DACH1: variants seen among roughly 807,000 people sequenced by gnomAD.
The protein encoded by DACH1 is dachshund homolog 1.
In DACH1, 12 loss-of-function variants were observed where a neutral mutation model predicts 54.2. That is an observed-to-expected ratio of 0.22 (90% CI 0.14 to 0.36). The LOEUF (loss-of-function observed/expected upper bound fraction) is 0.36. DACH1 is among the 10% of genes least tolerant of loss of function. The pLI is 1.00. For missense variants in DACH1, 805 were observed against 929.8 expected, an observed-to-expected ratio of 0.87 and a Z score of 1.75; for synonymous variants, 386 against 366.2, an observed-to-expected ratio of 1.05 and a Z score of -0.62.
intron 1 of DACH1, among the ~76,000 whole-genome samples, chr13:71,784,901 A>G (rs529731260): frequency 2.4e-3 from 362 of 152,294 alleles, no homozygotes; most frequent in African/African-American, 8.4e-3. Context: ...TCAGCAATGT[A>G]TGGATCCTAA....
chr13:71,623,328 CAT>C (rs1876385045), intron 3 of DACH1, among the ~76,000 whole-genome samples: 1 of 151,500 alleles, frequency 6.6e-6, no homozygotes, highest in Non-Finnish European at 1.5e-5. Flanking sequence ...TTAATATACT[CAT>C]ATGACATTTT....
intron 1 of DACH1, among the ~76,000 whole-genome samples, chr13:71,747,005 T>C (rs1884627943): frequency 6.6e-6 from 1 of 152,204 alleles, no homozygotes; most frequent in Non-Finnish European, 1.5e-5. Context: ...AACACATATG[T>C]ATTAACACAT....
In DACH1 at chr13:71,793,561, G is replaced by C. The variant is rs557922137; in HGVS notation, c.848+72361C>G. ...TTTTTTTCTTTCTTTTTGGAAACAG[G>C]GTTTTGCTCTGTTGCCCAGGCTGGA... On this transcript the variant is annotated intron_variant, in intron 1 of 10. Coordinates refer to ENST00000613252, the MANE Select transcript of DACH1 (RefSeq NM_080759.6). Among the ~76,000 whole-genome samples the C allele has an allele frequency of 2.6e-5, 4 of 152,146 alleles. No homozygotes were observed. In the East Asian group the frequency reaches 5.8e-4, roughly 22 times the overall value.
rs555557308 is a variant in DACH1 at position 71,744,682 on chromosome 13, G to C, written c.849-62772C>G. 2.0e-5 allele frequency among the ~76,000 whole-genome samples: 3 copies of C among 152,190 alleles called. No individual in the cohort carries two copies. The East Asian group carries it at 5.8e-4, about 29-fold the overall frequency. ...CTATCCTGGAAGAATATTACACATG[G>C]GTGCCCACTTTGGTTGGGATTTAAA... is the stretch of plus-strand genomic sequence containing the variant. On this transcript the variant is annotated intron_variant, in intron 1 of 10. Coordinates refer to ENST00000613252, the MANE Select transcript of DACH1 (RefSeq NM_080759.6).
intron 1 of DACH1, among the ~76,000 whole-genome samples, chr13:71,691,621 G>T (rs1566435764): frequency 1.3e-5 from 2 of 151,886 alleles, no homozygotes; most frequent in South Asian, 2.1e-4. Context: ...ATAGAGTCAG[G>T]TTGTGAACCA....
At chr13:71,649,928 A>G (rs1242423630) in intron 2 of DACH1, among the ~76,000 whole-genome samples, 2 of 152,166 alleles carry the variant, frequency 1.3e-5, no homozygotes, top group African/African-American at 4.8e-5. Context: ...TTGGAATTCA[A>G]ATTCTTTAAT....
At chr13:71,541,480 CAATT>C (rs1410084017) in intron 6 of DACH1, among the ~76,000 whole-genome samples, 1 of 151,972 alleles carries the variant, frequency 6.6e-6, no homozygotes, top group Non-Finnish European at 1.5e-5. Flanking sequence ...ATAAAAACAT[CAATT>C]AAAGAAATAA....
At chr13:71,495,729 C>A (rs1879352750) in intron 6 of DACH1, among the ~76,000 whole-genome samples, 1 of 151,998 alleles carries the variant, frequency 6.6e-6, no homozygotes, top group Non-Finnish European at 1.5e-5. Flanking sequence ...ATTAGTACAA[C>A]CTCTATGGAA....
At chr13:71,765,448 T>C (rs1885580614) in intron 1 of DACH1, among the ~76,000 whole-genome samples, 1 of 152,234 alleles carries the variant, frequency 6.6e-6, no homozygotes, top group Admixed American at 6.5e-5. Flanking sequence ...CCTCCATTTG[T>C]AGTACACTTT....
chr13:71,610,519 G>A (rs1159484533), intron 3 of DACH1, among the ~76,000 whole-genome samples: 1 of 152,094 alleles, frequency 6.6e-6, no homozygotes, highest in Non-Finnish European at 1.5e-5. Context: ...AAATCTTAAA[G>A]AGAGAGCATC....
At chr13:71,829,045 T>C (rs1184747552) in intron 1 of DACH1, among the ~76,000 whole-genome samples, 1 of 152,056 alleles carries the variant, frequency 6.6e-6, no homozygotes, top group Non-Finnish European at 1.5e-5. Flanking sequence ...ATTTATGTAC[T>C]AACGTAAGAA....
intron 1 of DACH1, among the ~76,000 whole-genome samples, chr13:71,798,240 G>A (rs749274796): frequency 4.7e-5 from 7 of 148,922 alleles, no homozygotes; most frequent in Non-Finnish European, 1.0e-4. Context: ...CTTGGGATAT[G>A]CTTTTATCTG....
chr13:71,591,987 AG>A (rs1873745029), intron 3 of DACH1, among the ~76,000 whole-genome samples: 1 of 152,192 alleles, frequency 6.6e-6, no homozygotes, highest in African/African-American at 2.4e-5. Context: ...TTTACCTCAC[AG>A]GGAATAACTA....
chr13:71,691,417 T>G (rs964756330), intron 1 of DACH1, among the ~76,000 whole-genome samples: 2 of 152,252 alleles, frequency 1.3e-5, no homozygotes, highest in Admixed American at 1.3e-4. Context: ...AGATAAGTAC[T>G]ATTACAATCC....
chr13:71,656,325 T>G (rs1218828578), intron 2 of DACH1, among the ~76,000 whole-genome samples: 1 of 152,090 alleles, frequency 6.6e-6, no homozygotes, highest in African/African-American at 2.4e-5. Context: ...ATCAAGTAAC[T>G]CTCAGCTTCT....
At chr13:71,688,976 G>A (rs1040277191) in intron 1 of DACH1, among the ~76,000 whole-genome samples, 3 of 152,136 alleles carry the variant, frequency 2.0e-5, no homozygotes, top group Admixed American at 2.0e-4. Flanking sequence ...ATATTAATAT[G>A]CATTACAAAT....
chr13:71,666,143 T>C (rs986882008), intron 2 of DACH1, among the ~76,000 whole-genome samples: 2 of 152,162 alleles, frequency 1.3e-5, no homozygotes, highest in African/African-American at 2.4e-5. Flanking sequence ...TAAAAAAATA[T>C]ACATAGACAT....
intron 9 of DACH1, 30 bp downstream of exon 9, chr13:71,475,676 T>C: frequency 6.3e-7 from 1 of 1,585,308 alleles, no homozygotes; most frequent in Non-Finnish European, 8.5e-7. Flanking sequence ...AAAATGACAG[T>C]TATTCATGCA....
At chr13:71,689,160 G>A (rs924838819) in intron 1 of DACH1, among the ~76,000 whole-genome samples, 14 of 152,136 alleles carry the variant, frequency 9.2e-5, no homozygotes, top group African/African-American at 3.4e-4. Flanking sequence ...TCTCTCAACA[G>A]TACCAAACCA....
Sources: allele counts gnomAD v4.1 joint callset (sites outside exome capture counted in the v4.1 genomes callset), GRCh38; gene constraint gnomAD v4.1.1; transcripts MANE v1.5; gene names NCBI Gene and HGNC (gene_info 2026-07-23, HGNC 2026-07-21).